PPP1R8: variants seen among roughly 807,000 people sequenced by gnomAD.
The protein encoded by PPP1R8 is nuclear inhibitor of protein phosphatase 1.
Under a neutral mutation model 31.3 loss-of-function variants are expected in PPP1R8, and 4 were observed. That is an observed-to-expected ratio of 0.13 (90% CI 0.06 to 0.29). The LOEUF (loss-of-function observed/expected upper bound fraction) is 0.29, where lower values mean the gene tolerates loss of function less well. PPP1R8 is among the 10% of genes least tolerant of loss of function. The pLI is 1.00. For missense variants in PPP1R8, 254 were observed against 440.1 expected, an observed-to-expected ratio of 0.58 and a Z score of 3.78; for synonymous variants, 170 against 169.7, an observed-to-expected ratio of 1.00 and a Z score of -0.01.
At chr1:27,847,608 G>A (rs749995085) in intron 6 of PPP1R8, among the ~76,000 whole-genome samples, 108 of 151,976 alleles carry the variant, frequency 7.1e-4, no homozygotes, top group Non-Finnish European at 1.2e-3. Context: ...GCGCATTCCT[G>A]TAGTCTCAGC....
chr1:27,845,028 C>T (rs554712177), intron 5 of PPP1R8, among the ~76,000 whole-genome samples: 67 of 145,344 alleles, frequency 4.6e-4, no homozygotes, highest in African/African-American at 1.6e-3. Context: ...CCACCATGCC[C>T]GGCCTGACAA....
At chr1:27,845,982 G>T (rs893717284) in intron 5 of PPP1R8, among the ~76,000 whole-genome samples, 1 of 151,676 alleles carries the variant, frequency 6.6e-6, no homozygotes, top group African/African-American at 2.4e-5. Context: ...AGTAGAGACG[G>T]AGTTTCACCA....
Position 27,851,655 on chromosome 1 carries a change from A to G in PPP1R8, c.*1209A>G. 1 of 474,870 alleles carries G rather than the reference A, an allele frequency of 2.1e-6. No homozygotes were observed. The highest frequency in any genetic ancestry group is 1.5e-5 in the South Asian group (1 of 65,792). The allele number at this position is 474,870 out of a possible 1,614,324, so 29.4% of individuals were successfully genotyped here. A position where few individuals can be genotyped will look rare whatever the true frequency, so the allele number is the denominator to read the frequency against. On this transcript the variant is annotated 3_prime_UTR_variant, in exon 7 of 7. Transcript: ENST00000311772. The stretch of plus-strand genomic sequence containing the variant: ...CATCCCCATTATATTACAAATAAAG[A>G]TGCCCTAAATGAGTGTGGAAATTCT...
intron 1 of PPP1R8, among the ~76,000 whole-genome samples, chr1:27,832,376 T>C (rs1379819222): frequency 6.6e-6 from 1 of 152,118 alleles, no homozygotes; most frequent in Non-Finnish European, 1.5e-5. Flanking sequence ...AGCAACTAAT[T>C]TATTCGGTCT....
intron 2 of PPP1R8, among the ~76,000 whole-genome samples, chr1:27,836,508 G>A (rs973356012): frequency 4.6e-5 from 7 of 152,048 alleles, no homozygotes; most frequent in African/African-American, 1.4e-4. Context: ...TCTGCCTCCC[G>A]GGCTCATGCC....
Position 27,851,479 on chromosome 1 carries a change from T to G in PPP1R8, c.*1033T>G, listed in dbSNP as rs1264795975. 36 of 453,186 alleles carry G rather than the reference T, an allele frequency of 7.9e-5. No homozygotes were observed. The Admixed American group carries it at 8.5e-4, about 11-fold the overall frequency. 28.1% of individuals were successfully genotyped at this position (453,186 alleles called of 1,614,324 possible). A position where few individuals can be genotyped will look rare whatever the true frequency, so the allele number is the denominator to read the frequency against. On this transcript the variant is annotated 3_prime_UTR_variant, in exon 7 of 7. Transcript: ENST00000311772. ...GGCCTTTTCATGCTTTATGTGTAGC[T>G]TTTTACCTGTAACCTTTATTACATT...
Position 27,830,886 on chromosome 1 carries a change from A to G in PPP1R8, c.51A>G (p.Pro17=), listed in dbSNP as rs770870512. The part of the protein sequence containing the change: ...SGSSLPLFDC[P]TWAGKPPPGL... Reference sequence around the variant, plus strand: ...CTAGCCTCCCGCTGTTCGACTGCCCAACCTGGTGAGTGGCGGGGCGGCCAG... The same window carrying G: ...CTAGCCTCCCGCTGTTCGACTGCCCGACCTGGTGAGTGGCGGGGCGGCCAG... Residue 17 remains proline (P), a synonymous_variant, in exon 1 of 7, where the codon CCA becomes CCG. Coordinates refer to ENST00000311772, the MANE Select transcript of PPP1R8 (RefSeq NM_014110.5). 5 of 1,570,990 alleles carry G rather than the reference A, an allele frequency of 3.2e-6. No homozygotes were observed. The highest frequency in any genetic ancestry group is 4.3e-6 in the Non-Finnish European group (5 of 1,159,034).
intron 2 of PPP1R8, 112 bp downstream of exon 2, chr1:27,832,928 T>C: frequency 2.2e-6 from 2 of 896,036 alleles, no homozygotes; most frequent in East Asian, 2.6e-5. Context: ...CTACTTTCTT[T>C]CATCCTGATT....
intron 3 of PPP1R8, among the ~76,000 whole-genome samples, chr1:27,840,318 A>G (rs894578164): frequency 2.6e-5 from 4 of 152,216 alleles, no homozygotes; most frequent in Non-Finnish European, 5.9e-5. Flanking sequence ...ACACTCACAC[A>G]TCACCCTAAT....
At chr1:27,831,363 G>A in intron 1 of PPP1R8, 2 of 988,318 alleles carry the variant, frequency 2.0e-6, no homozygotes, top group African/African-American at 1.7e-5. Context: ...CAGAGAATAC[G>A]AGGGTAGGTT....
chr1:27,830,835 G>T lies in PPP1R8; in HGVS notation c.-1G>T, dbSNP rs756296332. The T allele has an allele frequency of 1.3e-6, 2 of 1,576,074 alleles. No homozygotes were observed. The highest frequency in any genetic ancestry group is 1.7e-6 in the Non-Finnish European group (2 of 1,162,056). ...CGCCAAATGGGAGGGGGAGACGCAA[G>T]ATGGCGGCAGCCGCGAACTCCGGCT... On this transcript the variant is annotated 5_prime_UTR_variant, in exon 1 of 7. Transcript: ENST00000311772.
In PPP1R8 at chr1:27,841,076, G is replaced by A. The variant is rs752212025; in HGVS notation, c.334G>A (p.Asp112Asn). ...TCACAAGCCTCAGCAAATTCCCATCGATTCCACGGTCTCATTTGGCGCATC... is the reference window on the plus strand; with the variant it reads ...TCACAAGCCTCAGCAAATTCCCATCAATTCCACGGTCTCATTTGGCGCATC... ...EPHKPQQIPI[D>N]STVSFGASTR... The change falls in exon 4 of 7, where the codon GAT becomes AAT. Residue 112 changes from aspartate to asparagine, a missense_variant. Transcript: ENST00000311772. 7 of 1,614,116 alleles carry A rather than the reference G, an allele frequency of 4.3e-6. No individual in the cohort carries two copies. The highest frequency in any genetic ancestry group is 5.9e-6 in the Non-Finnish European group (7 of 1,180,030).
At chr1:27,839,534 A>G (rs2089202672) in intron 3 of PPP1R8, among the ~76,000 whole-genome samples, 2 of 152,176 alleles carry the variant, frequency 1.3e-5, no homozygotes, top group African/African-American at 4.8e-5. Flanking sequence ...TCTCAAAAAA[A>G]TAAAGAAAAG....
At chr1:27,832,075 A>G (rs775087883) in intron 1 of PPP1R8, among the ~76,000 whole-genome samples, 3 of 152,170 alleles carry the variant, frequency 2.0e-5, no homozygotes, top group Non-Finnish European at 4.4e-5. Context: ...TGTTTTTGAG[A>G]TCACCTACCC....
At chr1:27,843,502 A>C (rs1370139574) in intron 5 of PPP1R8, among the ~76,000 whole-genome samples, 172 bp downstream of exon 5, 1 of 152,164 alleles carries the variant, frequency 6.6e-6, no homozygotes, top group African/African-American at 2.4e-5. Context: ...ATTAAAAAAA[A>C]TACAAAAATT....
chr1:27,831,192 A>G (rs1298408573), intron 1 of PPP1R8: 17 of 1,160,358 alleles, frequency 1.5e-5, no homozygotes, highest in Non-Finnish European at 1.7e-5. Context: ...ACTTACGCCC[A>G]ACTCTTGACT....
At position 27,850,366 on chromosome 1, in the gene PPP1R8, G is replaced by A. The variant is rs1388864981; in HGVS notation, c.976G>A (p.Ala326Thr). 1.9e-6 allele frequency: 3 copies of A among 1,614,028 alleles called. No homozygotes were observed. Among genetic ancestry groups the A allele is most frequent in the African/African-American group, 1.3e-5 (1 of 74,990 alleles). The change falls in exon 7 of 7, where the codon GCT (alanine) becomes ACT (threonine). Residue 326 changes from alanine to threonine, a missense_variant. This residue lies in a region of PPP1R8 where 105 missense variants were observed against 128.0 expected (regional missense o/e 0.82). Coordinates refer to ENST00000311772, the MANE Select transcript of PPP1R8 (RefSeq NM_014110.5). ...AAACCCTGCAGTCTATAACCCTGAAGCTGTAAATGAACCCAAGAAGAAGAA... is the reference window on the plus strand; with the variant it reads ...AAACCCTGCAGTCTATAACCCTGAAACTGTAAATGAACCCAAGAAGAAGAA... ...APNPAVYNPE[A>T]VNEPKKKKYA...
chr1:27,836,414 TTTTG>T (rs1304182483), intron 2 of PPP1R8, among the ~76,000 whole-genome samples: 2 of 152,084 alleles, frequency 1.3e-5, no homozygotes, highest in African/African-American at 4.8e-5. Flanking sequence ...ATTTTTATTT[TTTTG>T]TTTGTTTTTG....
In PPP1R8 at chr1:27,850,336, G is replaced by T. The variant is rs1468403390; in HGVS notation, c.946G>T (p.Ala316Ser). Residue 316 changes from alanine to serine, a missense_variant, in exon 7 of 7, where the codon GCA (alanine) becomes TCA (serine). By Grantham distance (99) the Ala-to-Ser change is moderately conservative. Coordinates refer to ENST00000311772, the MANE Select transcript of PPP1R8 (RefSeq NM_014110.5). ...GCCGTCAGCAGTGAACATGAACCCT[G>T]CACCAAACCCTGCAGTCTATAACCC... Reference protein sequence around the residue: ...VVPSAVNMNPAPNPAVYNPEA... With the variant: ...VVPSAVNMNPSPNPAVYNPEA... The T allele has an allele frequency of 2.5e-6, 4 of 1,614,180 alleles. No individual in the cohort carries two copies. The East Asian group carries it at 8.9e-5, about 36-fold the overall frequency.
Sources: gnomAD v4.1 joint callset for allele counts (sites outside exome capture counted in the v4.1 genomes callset) on GRCh38, gnomAD v4.1.1 for gene constraint, gnomAD v4.1.1 regional missense constraint, MANE v1.5 for transcripts, NCBI Gene and HGNC (gene_info 2026-07-23, HGNC 2026-07-21) for gene names.